The following COX10 variants were observed in gnomAD, a reference collection of about 807,000 sequenced individuals.
COX10 encodes the protein protoheme IX farnesyltransferase, mitochondrial.
In COX10, 27 loss-of-function variants were observed where a neutral mutation model predicts 37.3. The ratio of observed to expected loss-of-function variants is 0.72; its 90% CI spans 0.53 to 1.00. The LOEUF (loss-of-function observed/expected upper bound fraction) is 1.00, where lower values mean the gene tolerates loss of function less well. Among genes scored for constraint, COX10 ranks in the 50% least tolerant of loss-of-function variants. COX10 has a pLI of 0.00. For synonymous variants in COX10, 222 were observed against 229.1 expected, an observed-to-expected ratio of 0.97 and a Z score of 0.28; for missense variants, 475 against 563.2, an observed-to-expected ratio of 0.84 and a Z score of 1.59.
chr17:14,077,482 G>T (rs1316725253), intron 3 of COX10, among the ~76,000 whole-genome samples: 2 of 152,174 alleles, frequency 1.3e-5, no homozygotes, highest in Non-Finnish European at 2.9e-5. Context: ...TTTGCTTCTT[G>T]TAGAGCCTCT....
chr17:14,074,196 A>G, intron 1 of COX10, 127 bp from the exon 2 acceptor site: 1 of 949,160 alleles, frequency 1.1e-6, no homozygotes, highest in East Asian at 2.4e-5. Flanking sequence ...ATTATTTCAA[A>G]GCTCTGACCC....
intron 3 of COX10, among the ~76,000 whole-genome samples, chr17:14,085,214 A>G (rs1295463064): frequency 6.6e-6 from 1 of 152,198 alleles, no homozygotes; most frequent in Non-Finnish European, 1.5e-5. Context: ...CAAATGATTC[A>G]CTGCCATATT....
rs954991354 is a variant in COX10, at chr17:14,172,508, G to A, written c.695+12561G>A. 7.3e-5 allele frequency among the ~76,000 whole-genome samples: 11 copies of A among 151,512 alleles called. 1 individual carries two copies. Among genetic ancestry groups the A allele is most frequent in the Middle Eastern group, 3.4e-3 (1 of 290 alleles). ...GTATGGTTTTAATTTTCATTCCTCT[G>A]ATGATTAGTGATGTTGAGCATTTTC... is the stretch of plus-strand genomic sequence containing the variant. On this transcript the variant is annotated intron_variant, in intron 5 of 6. Coordinates refer to ENST00000261643, the MANE Select transcript of COX10 (RefSeq NM_001303.4).
At chr17:14,132,445 C>G (rs572122555) in intron 4 of COX10, among the ~76,000 whole-genome samples, 49 of 151,970 alleles carry the variant, frequency 3.2e-4, no homozygotes, top group Admixed American at 7.9e-4. Flanking sequence ...ATATTTCTTC[C>G]CTTGATTTTC....
At chr17:14,143,220 T>C (rs1165180582) in intron 4 of COX10, among the ~76,000 whole-genome samples, 1 of 152,210 alleles carries the variant, frequency 6.6e-6, no homozygotes, top group Non-Finnish European at 1.5e-5. Context: ...CGGGTACTGA[T>C]TTTATCCTTT....
At chr17:14,173,775 A>G (rs182064628) in intron 5 of COX10, among the ~76,000 whole-genome samples, 2,173 of 152,182 alleles carry the variant, frequency 0.014, 55 homozygotes, top group African/African-American at 0.049. Context: ...TTCTTTTCAC[A>G]ATGTCATTGT....
chr17:14,159,531 CT>C (rs1324639056), intron 4 of COX10, among the ~76,000 whole-genome samples: 1 of 152,116 alleles, frequency 6.6e-6, no homozygotes. Context: ...GGAGGGCCTA[CT>C]GCGGGAGTTG....
chr17:14,163,702 G>C (rs958877712), intron 5 of COX10, among the ~76,000 whole-genome samples: 2 of 152,204 alleles, frequency 1.3e-5, no homozygotes, highest in African/African-American at 4.8e-5. Flanking sequence ...TATTCATCGT[G>C]ATGCAAGAAA....
chr17:14,186,832 A>T (rs1476189063), intron 5 of COX10, among the ~76,000 whole-genome samples: 1 of 152,078 alleles, frequency 6.6e-6, no homozygotes, highest in Non-Finnish European at 1.5e-5. Flanking sequence ...AGTGTGCCCC[A>T]CATACAGTTG....
At chr17:14,164,919 T>G (rs1238660860) in intron 5 of COX10, among the ~76,000 whole-genome samples, 1 of 151,892 alleles carries the variant, frequency 6.6e-6, no homozygotes, top group East Asian at 1.9e-4. Context: ...GTAGCATGAT[T>G]GTAATATGGG....
chr17:14,199,943 T>C (rs1006018121), intron 6 of COX10, among the ~76,000 whole-genome samples: 2 of 152,162 alleles, frequency 1.3e-5, no homozygotes, highest in Non-Finnish European at 2.9e-5. Context: ...GAGCCAGTCA[T>C]GGAGCAGACG....
At chr17:14,132,409 C>T (rs542752247) in intron 4 of COX10, among the ~76,000 whole-genome samples, 1 of 151,864 alleles carries the variant, frequency 6.6e-6, no homozygotes, top group Non-Finnish European at 1.5e-5. Flanking sequence ...TGAGACAGCA[C>T]GAAGGTATGA....
chr17:14,174,182 G>A (rs953217242), intron 5 of COX10, among the ~76,000 whole-genome samples: 18 of 151,958 alleles, frequency 1.2e-4, no homozygotes, highest in East Asian at 5.8e-4. Context: ...AAAAGGGGCC[G>A]GGCACAGTGG....
chr17:14,197,490 A>G (rs1159449100), intron 6 of COX10, among the ~76,000 whole-genome samples: 4 of 152,230 alleles, frequency 2.6e-5, no homozygotes, highest in African/African-American at 4.8e-5. Context: ...AAGAACTTCT[A>G]ATTGTTCTAG....
At chr17:14,165,160 T>C (rs1905251698) in intron 5 of COX10, among the ~76,000 whole-genome samples, 1 of 152,226 alleles carries the variant, frequency 6.6e-6, no homozygotes, top group African/African-American at 2.4e-5. Flanking sequence ...AAATGTAAAG[T>C]GTAATGTATC....
At chr17:14,168,695 C>T (rs1371682366) in intron 5 of COX10, among the ~76,000 whole-genome samples, 2 of 152,188 alleles carry the variant, frequency 1.3e-5, no homozygotes, top group Non-Finnish European at 2.9e-5. Context: ...TTGAGCTGTA[C>T]CTTGGCTCTT....
At chr17:14,176,623 C>T (rs1905701052) in intron 5 of COX10, among the ~76,000 whole-genome samples, 1 of 152,082 alleles carries the variant, frequency 6.6e-6, no homozygotes, top group Non-Finnish European at 1.5e-5. Context: ...CATACATAAC[C>T]TTCCATGTAC....
At chr17:14,081,801 C>T (rs1049983369) in intron 3 of COX10, among the ~76,000 whole-genome samples, 1 of 152,150 alleles carries the variant, frequency 6.6e-6, no homozygotes. Context: ...CTGGCTGCCC[C>T]CACTGGCATT....
intron 3 of COX10, among the ~76,000 whole-genome samples, chr17:14,086,134 T>C (rs1216332900): frequency 6.6e-6 from 1 of 152,168 alleles, no homozygotes; most frequent in East Asian, 1.9e-4. Flanking sequence ...GTGTCTTGTT[T>C]TCATTTATCT....
Sources: gnomAD v4.1 joint callset for allele counts (sites outside exome capture counted in the v4.1 genomes callset) on GRCh38, gnomAD v4.1.1 for gene constraint, MANE v1.5 for transcripts, NCBI Gene and HGNC (gene_info 2026-07-23, HGNC 2026-07-21) for gene names.